The following CTXND2 variants were observed in gnomAD, a reference collection of about 807,000 sequenced individuals.
The protein encoded by CTXND2 is cortexin domain containing 2.
At chr1:150,904,347 AT>A (rs1209161934) in intron 1 of CTXND2, 1 of 333,762 alleles carries the variant, frequency 3.0e-6, no homozygotes. Flanking sequence ...GACAGTCCTG[AT>A]TTAAAACTAA....
chr1:150,888,687 A>ATTAT (rs587608698), intron 1 of CTXND2, among the ~76,000 whole-genome samples: 234 of 151,608 alleles, frequency 1.5e-3, no homozygotes, highest in African/African-American at 4.1e-3. Flanking sequence ...AATGTATTTT[A>ATTAT]TTATTTATTT....
intron 1 of CTXND2, among the ~76,000 whole-genome samples, chr1:150,895,477 G>A (rs1013795617): frequency 4.6e-5 from 7 of 151,914 alleles, no homozygotes; most frequent in African/African-American, 1.7e-4. Flanking sequence ...CCAATTATCT[G>A]GAATTATAGG....
At chr1:150,902,711 C>G (rs1394563807) in intron 1 of CTXND2, among the ~76,000 whole-genome samples, 1 of 151,466 alleles carries the variant, frequency 6.6e-6, no homozygotes, top group Non-Finnish European at 1.5e-5. Flanking sequence ...TTCACATACT[C>G]AAAAAATAAA....
At chr1:150,888,814 C>T (rs1207164097) in intron 1 of CTXND2, among the ~76,000 whole-genome samples, 2 of 151,914 alleles carry the variant, frequency 1.3e-5, no homozygotes, top group African/African-American at 4.8e-5. Context: ...CATCAGCCTC[C>T]TGAGTAGCTG....
intron 1 of CTXND2, among the ~76,000 whole-genome samples, chr1:150,901,315 ACT>A (rs1414571318): frequency 6.6e-6 from 1 of 152,180 alleles, no homozygotes; most frequent in Non-Finnish European, 1.5e-5. Flanking sequence ...AGATGCCAGT[ACT>A]CTCTAAATTG....
Position 150,912,047 on chromosome 1 carries a change from G to A in CTXND2, c.-73-195G>A, listed in dbSNP as rs1358830230. 3.9e-5 allele frequency among the ~76,000 whole-genome samples: 6 copies of A among 152,070 alleles called. No individual in the cohort carries two copies. The East Asian group carries it at 7.7e-4, about 20-fold the overall frequency. On this transcript the variant is annotated intron_variant, in intron 1 of 1. Transcript: ENST00000636087. Reference sequence around the variant, plus strand: ...ACGTTCTGCCTTGGAGTAATTCTTCGGATATTTTATACTTGTGTGTATGTG... The same window carrying A: ...ACGTTCTGCCTTGGAGTAATTCTTCAGATATTTTATACTTGTGTGTATGTG...
chr1:150,902,173 G>A (rs900023173), intron 1 of CTXND2, among the ~76,000 whole-genome samples: 16 of 151,834 alleles, frequency 1.1e-4, no homozygotes, highest in Non-Finnish European at 1.8e-4. Context: ...GGGCAGAGGC[G>A]GGCAGATCAC....
chr1:150,896,402 G>T (rs962978570), intron 1 of CTXND2, among the ~76,000 whole-genome samples: 2 of 152,026 alleles, frequency 1.3e-5, no homozygotes, highest in Non-Finnish European at 2.9e-5. Context: ...TCTGTCACTC[G>T]CAACCAAAAG....
At chr1:150,903,350 T>C (rs1669077128) in intron 1 of CTXND2, among the ~76,000 whole-genome samples, 1 of 152,222 alleles carries the variant, frequency 6.6e-6, no homozygotes, top group South Asian at 2.1e-4. Context: ...TGCAGTCCTC[T>C]TAAGAGAGGC....
intron 1 of CTXND2, among the ~76,000 whole-genome samples, chr1:150,898,253 T>C (rs753365519): frequency 6.6e-6 from 1 of 152,142 alleles, no homozygotes; most frequent in Non-Finnish European, 1.5e-5. Flanking sequence ...GTTATTTATC[T>C]GCAGATGCCT....
At chr1:150,901,792 C>A (rs587612648) in intron 1 of CTXND2, among the ~76,000 whole-genome samples, 2 of 151,942 alleles carry the variant, frequency 1.3e-5, no homozygotes, top group South Asian at 4.2e-4. Flanking sequence ...GTGGCGGGCA[C>A]CTGTAGTCCC....
At chr1:150,899,362 G>A (rs1668962858) in intron 1 of CTXND2, among the ~76,000 whole-genome samples, 1 of 151,910 alleles carries the variant, frequency 6.6e-6, no homozygotes, top group East Asian at 1.9e-4. Context: ...TTGTGCCCAG[G>A]AGTTCAAGGC....
At chr1:150,908,113 C>T (rs1348421775) in intron 1 of CTXND2, among the ~76,000 whole-genome samples, 2 of 151,852 alleles carry the variant, frequency 1.3e-5, no homozygotes, top group Non-Finnish European at 2.9e-5. Flanking sequence ...GGTGATCCTC[C>T]CGCCTCTGCC....
chr1:150,900,869 C>A (rs587626344), intron 1 of CTXND2, among the ~76,000 whole-genome samples: 1 of 152,176 alleles, frequency 6.6e-6, no homozygotes, highest in African/African-American at 2.4e-5. Flanking sequence ...TGGTGGCTCA[C>A]GCCTGTAATC....
intron 1 of CTXND2, among the ~76,000 whole-genome samples, chr1:150,894,079 TA>T (rs1473855826): frequency 3.9e-5 from 6 of 152,126 alleles, no homozygotes; most frequent in African/African-American, 1.4e-4. Flanking sequence ...TGGCTAGTAT[TA>T]AGTTTTATCA....
intron 1 of CTXND2, among the ~76,000 whole-genome samples, chr1:150,895,627 G>A (rs1445647326): frequency 3.3e-5 from 5 of 152,128 alleles, no homozygotes; most frequent in African/African-American, 4.8e-5. Flanking sequence ...GATTACAGGC[G>A]TGAGCCACTG....
chr1:150,887,907 G>A (rs1179640485), intron 1 of CTXND2, among the ~76,000 whole-genome samples: 1 of 151,432 alleles, frequency 6.6e-6, no homozygotes, highest in East Asian at 1.9e-4. Context: ...AAGTGGAATT[G>A]ATGTTGCCAA....
At chr1:150,899,160 TC>T (rs1298009157) in intron 1 of CTXND2, among the ~76,000 whole-genome samples, 2 of 149,208 alleles carry the variant, frequency 1.3e-5, no homozygotes, top group Admixed American at 6.7e-5. Flanking sequence ...ACTCAAAAAG[TC>T]CAAGCATGGT....
chr1:150,889,144 T>C (rs983198426), intron 1 of CTXND2, among the ~76,000 whole-genome samples: 3 of 152,052 alleles, frequency 2.0e-5, no homozygotes, highest in Admixed American at 2.0e-4. Flanking sequence ...GTGCAGTGGC[T>C]CACGCCTGTA....
Sources: gnomAD v4.1 joint callset for allele counts (sites outside exome capture counted in the v4.1 genomes callset) on GRCh38, gnomAD v4.1.1 for gene constraint, MANE v1.5 for transcripts, NCBI Gene and HGNC (gene_info 2026-07-23, HGNC 2026-07-21) for gene names.